The following GRHL2 variants were observed in gnomAD, a reference collection of about 807,000 sequenced individuals.
The protein encoded by GRHL2 is grainyhead like transcription factor 2.
GRHL2 carries 21 observed loss-of-function variants against 83.8 expected under a neutral mutation model. That is an observed-to-expected ratio of 0.25 (90% CI 0.18 to 0.36). GRHL2 has a LOEUF of 0.36. Among genes scored for constraint, GRHL2 ranks in the 10% least tolerant of loss-of-function variants. GRHL2 has a pLI of 1.00. For missense variants in GRHL2, 623 were observed against 781.8 expected, an observed-to-expected ratio of 0.80 and a Z score of 2.42; for synonymous variants, 280 against 278.9, an observed-to-expected ratio of 1.00 and a Z score of -0.04.
In GRHL2 at chr8:101,543,449, C is replaced by G; in HGVS notation, c.216+13C>G. On this transcript the variant is annotated intron_variant, in intron 2 of 15. Coordinates refer to ENST00000646743, the MANE Select transcript of GRHL2 (RefSeq NM_024915.4). Reference sequence around the variant, plus strand: ...TGACTACTACAAGGTAGGTCCCCAGCCTCCACTTTTCTCTTCTTCCTGCTC... The same window carrying G: ...TGACTACTACAAGGTAGGTCCCCAGGCTCCACTTTTCTCTTCTTCCTGCTC... 1 of 1,612,550 alleles carries G rather than the reference C, an allele frequency of 6.2e-7. No individual in the cohort carries two copies. The highest frequency in any genetic ancestry group is 8.5e-7 in the Non-Finnish European group (1 of 1,178,638).
chr8:101,664,659 G>A, intron 15 of GRHL2, 141 bp downstream of exon 15: 1 of 680,368 alleles, frequency 1.5e-6, no homozygotes, highest in South Asian at 1.6e-5. Flanking sequence ...GAGAATTGCA[G>A]AGGAGATTGC....
At position 101,649,983 on chromosome 8, in the gene GRHL2, G is replaced by A. The variant is rs1277070511; in HGVS notation, c.1698+484G>A. On this transcript the variant is annotated intron_variant, in intron 14 of 15. Coordinates refer to ENST00000646743, the MANE Select transcript of GRHL2 (RefSeq NM_024915.4). ...TCTTGTCTAGTATTACCCAACTTGGGCTCACAAGAAGCTATTTTACATTTT... is the reference window on the plus strand; with the variant it reads ...TCTTGTCTAGTATTACCCAACTTGGACTCACAAGAAGCTATTTTACATTTT... 2.6e-5 allele frequency among the ~76,000 whole-genome samples: 4 copies of A among 152,118 alleles called. No individual in the cohort carries two copies. In the East Asian group the frequency reaches 7.7e-4, roughly 29 times the overall value.
At position 101,589,404 on chromosome 8, in the gene GRHL2, G is replaced by A. The variant is rs72674244; in HGVS notation, c.1004-9653G>A. Among the ~76,000 whole-genome samples the A allele has an allele frequency of 3.6e-3, 547 of 152,332 alleles. 6 individuals carry two copies. The highest frequency in any genetic ancestry group is 0.017 in the South Asian group (84 of 4,826). ...GGTGCAAGCACGGGCACGCGTGCAT[G>A]TGTGTTTATGTGTGTCTATGTACAG... is the stretch of plus-strand genomic sequence containing the variant. On this transcript the variant is annotated intron_variant, in intron 7 of 15. Transcript: ENST00000646743.
intron 8 of GRHL2, among the ~76,000 whole-genome samples, chr8:101,607,048 C>T (rs1366428334): frequency 1.3e-5 from 2 of 152,266 alleles, no homozygotes; most frequent in Admixed American, 6.5e-5. Context: ...GTATTCGGTA[C>T]CAAATCATGG....
intron 9 of GRHL2, among the ~76,000 whole-genome samples, chr8:101,628,711 G>C (rs1490636651): frequency 6.6e-6 from 1 of 152,066 alleles, no homozygotes; most frequent in Non-Finnish European, 1.5e-5. Context: ...ATGATTCATG[G>C]GAGGAGGTCA....
At position 101,492,764 on chromosome 8, in the gene GRHL2, T is replaced by C; in HGVS notation, c.-6T>C. 2 of 1,613,786 alleles carry C rather than the reference T, an allele frequency of 1.2e-6. No homozygotes were observed. The highest frequency in any genetic ancestry group is 2.2e-5 in the South Asian group (2 of 91,070). On this transcript the variant is annotated 5_prime_UTR_variant, in exon 1 of 16. Transcript: ENST00000646743. Reference sequence around the variant, plus strand: ...GGAAAAGCGGAGCAAGTTCATTGGATCAAACATGTCACAAGAGTCGGACAA... The same window carrying C: ...GGAAAAGCGGAGCAAGTTCATTGGACCAAACATGTCACAAGAGTCGGACAA...
chr8:101,531,573 C>A (rs1810930472), intron 1 of GRHL2, among the ~76,000 whole-genome samples: 1 of 151,526 alleles, frequency 6.6e-6, no homozygotes, highest in Non-Finnish European at 1.5e-5. Context: ...CACACACACA[C>A]CACACACACA....
intron 1 of GRHL2, among the ~76,000 whole-genome samples, chr8:101,524,601 C>G (rs1810764087): frequency 6.6e-6 from 1 of 152,032 alleles, no homozygotes; most frequent in Admixed American, 6.6e-5. Context: ...ATTTAGAAAA[C>G]TATGTTATAA....
chr8:101,492,613 G>C lies in GRHL2; in HGVS notation c.-157G>C. 1.3e-6 allele frequency: 1 copy of C among 746,546 alleles called. No individual in the cohort carries two copies. The highest frequency in any genetic ancestry group is 1.9e-5 in the Admixed American group (1 of 51,456). 46.2% of individuals were successfully genotyped at this position (746,546 alleles called of 1,614,324 possible). On this transcript the variant is annotated 5_prime_UTR_variant, in exon 1 of 16. Transcript: ENST00000646743. ...TGAGGGCGCGAGCGGGCGAGCGAGCGAGAGTGGTGAGGGGGGACGGAAAAG... is the reference window on the plus strand; with the variant it reads ...TGAGGGCGCGAGCGGGCGAGCGAGCCAGAGTGGTGAGGGGGGACGGAAAAG...
intron 1 of GRHL2, among the ~76,000 whole-genome samples, chr8:101,504,486 GCAAACCTGCTGGCCTCACCACCT>G (rs2129981294): frequency 6.6e-6 from 1 of 152,242 alleles, no homozygotes; most frequent in Non-Finnish European, 1.5e-5. Flanking sequence ...CTCTCTCGAG[GCAAACCTGCTGGCCTCACCACCT>G]CAGACCCCGC....
chr8:101,652,369 GTCTGA>G (rs201578521), intron 14 of GRHL2, among the ~76,000 whole-genome samples: 3 of 63,526 alleles, frequency 4.7e-5, no homozygotes, highest in African/African-American at 1.7e-4. Flanking sequence ...GTGTGTGTGT[GTCTGA>G]TGTGTGTGTG....
chr8:101,607,545 T>G (rs1812656269), intron 8 of GRHL2, among the ~76,000 whole-genome samples: 1 of 152,234 alleles, frequency 6.6e-6, no homozygotes. Context: ...ATTTTTTGCC[T>G]AAATTAATGT....
chr8:101,543,697 A>G (rs1017519815), intron 2 of GRHL2: 2 of 485,668 alleles, frequency 4.1e-6, no homozygotes, highest in Non-Finnish European at 7.6e-6. Context: ...TATTATTTGC[A>G]TATTATTCTT....
chr8:101,619,527 T>C lies in GRHL2; in HGVS notation c.1099-12T>C, dbSNP rs757436291. The C allele has an allele frequency of 2.5e-6, 4 of 1,613,532 alleles. No individual in the cohort carries two copies. Among genetic ancestry groups the C allele is most frequent in the African/African-American group, 1.3e-5 (1 of 75,032 alleles). On this transcript the variant is annotated splice_polypyrimidine_tract_variant and intron_variant, in intron 8 of 15. Coordinates refer to ENST00000646743, the MANE Select transcript of GRHL2 (RefSeq NM_024915.4). ...TGTTGACTTGTGAACTTTTTCTTTC[T>C]CTTTCCCTCAGATTTTCATCACCGT...
At chr8:101,508,482 G>C (rs529374473) in intron 1 of GRHL2, among the ~76,000 whole-genome samples, 1 of 145,534 alleles carries the variant, frequency 6.9e-6, no homozygotes, top group Non-Finnish European at 1.5e-5. Context: ...TTAGGGTTTT[G>C]TACAGAGTTC....
intron 2 of GRHL2, among the ~76,000 whole-genome samples, chr8:101,550,556 T>C (rs1381249066): frequency 6.6e-6 from 1 of 152,238 alleles, no homozygotes; most frequent in Non-Finnish European, 1.5e-5. Context: ...TGGGGTCTCC[T>C]TAAATACTTA....
At chr8:101,594,225 G>A (rs987225859) in intron 7 of GRHL2, among the ~76,000 whole-genome samples, 1 of 152,130 alleles carries the variant, frequency 6.6e-6, no homozygotes, top group Admixed American at 6.5e-5. Flanking sequence ...CAAACTCCTG[G>A]CCTCTGGAAC....
At chr8:101,609,173 G>T (rs1812697336) in intron 8 of GRHL2, among the ~76,000 whole-genome samples, 1 of 150,372 alleles carries the variant, frequency 6.7e-6, no homozygotes, top group Non-Finnish European at 1.5e-5. Context: ...GGAGAAGGAA[G>T]GGGTGGTGAG....
At chr8:101,655,670 A>ATTT (rs1813770143) in intron 14 of GRHL2, among the ~76,000 whole-genome samples, 1 of 152,244 alleles carries the variant, frequency 6.6e-6, no homozygotes, top group Non-Finnish European at 1.5e-5. Flanking sequence ...CATTTGGAGA[A>ATTT]TATAGACTAT....
Sources: allele counts gnomAD v4.1 joint callset (sites outside exome capture counted in the v4.1 genomes callset), GRCh38; gene constraint gnomAD v4.1.1; transcripts MANE v1.5; gene names NCBI Gene and HGNC (gene_info 2026-07-23, HGNC 2026-07-21).